The following ELFN1 variants were observed in gnomAD, a reference collection of about 807,000 sequenced individuals.
The protein encoded by ELFN1 is protein ELFN1.
In ELFN1, 6 loss-of-function variants were observed where a neutral mutation model predicts 7.6. The observed-to-expected ratio is 0.79, with a 90% CI of 0.43 to 1.56. The LOEUF (loss-of-function observed/expected upper bound fraction) is 1.56, where lower values mean the gene tolerates loss of function less well. Ranked by LOEUF, ELFN1 falls within the 40% of genes most tolerant of loss-of-function variation. ELFN1 has a pLI of 0.01. For synonymous variants in ELFN1, 657 were observed against 588.1 expected, an observed-to-expected ratio of 1.12 and a Z score of -1.70; for missense variants, 1,169 against 1,232.2, an observed-to-expected ratio of 0.95 and a Z score of 0.77.
At chr7:1,675,744 G>A (rs1335094964) in intron 1 of ELFN1, among the ~76,000 whole-genome samples, 3 of 152,200 alleles carry the variant, frequency 2.0e-5, no homozygotes, top group African/African-American at 4.8e-5. Flanking sequence ...TCGCTGGCCC[G>A]GAGGGACGAG....
intron 2 of ELFN1, among the ~76,000 whole-genome samples, chr7:1,707,995 C>G (rs1680934324): frequency 6.6e-6 from 1 of 152,172 alleles, no homozygotes; most frequent in South Asian, 2.1e-4. Context: ...GCGGATGCGG[C>G]AGAGCCCAGC....
chr7:1,724,340 G>A (rs1190444850), intron 3 of ELFN1, among the ~76,000 whole-genome samples: 1 of 152,096 alleles, frequency 6.6e-6, no homozygotes, highest in East Asian at 1.9e-4. Context: ...AAGTCAGCCC[G>A]CGTTGCCTTC....
intron 1 of ELFN1, among the ~76,000 whole-genome samples, chr7:1,672,242 G>A (rs568350402): frequency 6.6e-6 from 1 of 152,278 alleles, no homozygotes; most frequent in South Asian, 2.1e-4. Flanking sequence ...CCAGAGGAGG[G>A]GAGGGAGGGC....
chr7:1,745,127 C>T lies in ELFN1; in HGVS notation c.531C>T (p.Ala177=), dbSNP rs377313701. 9.0e-5 allele frequency: 140 copies of T among 1,550,848 alleles called. 1 individual carries two copies. The South Asian group carries it at 1.3e-3, about 14-fold the overall frequency. ...AGCAGCTCAACAGCGGCACCTTCGC[C>T]GGCCTGGCCAAGCTGTCGGTGTGCG... ...RIQQLNSGTF[A]GLAKLSVCEL... The change falls in exon 4 of 4, where the codon GCC becomes GCT. Residue 177 remains alanine (A), a synonymous_variant. Coordinates refer to ENST00000424383, the MANE Select transcript of ELFN1 (RefSeq NM_001128636.4).
Position 1,681,334 on chromosome 7 carries a change from GGA to G in ELFN1, c.-548-6720_-548-6719del, listed in dbSNP as rs1778972123. Reference sequence around the variant, plus strand: ...GCACAAACTGGGCAGCTTCCTGGAAGGAGAGTTCATCTGGTCAGTTCATATTG... The same window carrying G: ...GCACAAACTGGGCAGCTTCCTGGAAGGAGTTCATCTGGTCAGTTCATATTG... On this transcript the variant is annotated intron_variant, in intron 1 of 3. Transcript: ENST00000424383. Among the ~76,000 whole-genome samples, 3 of 135,462 alleles carry G rather than the reference GGA, an allele frequency of 2.2e-5. No individual in the cohort carries two copies. In the South Asian group the frequency reaches 6.5e-4, roughly 29 times the overall value. The allele number at this position is 135,462 out of a possible 152,430, so 88.9% of individuals were successfully genotyped here. A position where few individuals can be genotyped will look rare whatever the true frequency, so the allele number is the denominator to read the frequency against.
At chr7:1,723,509 T>G (rs1780088220) in intron 3 of ELFN1, among the ~76,000 whole-genome samples, 1 of 152,248 alleles carries the variant, frequency 6.6e-6, no homozygotes, top group Admixed American at 6.5e-5. Context: ...TCTTTTTCAC[T>G]GCTGCATAGT....
intron 3 of ELFN1, among the ~76,000 whole-genome samples, chr7:1,716,679 C>T (rs547839106): frequency 6.6e-6 from 1 of 152,234 alleles, no homozygotes; most frequent in African/African-American, 2.4e-5. Flanking sequence ...GTCCCCTCCC[C>T]CTGCAAACTC....
rs919202836 is a variant in ELFN1 at position 1,673,053 on chromosome 7, C to T, written c.-549+2699C>T. Reference sequence around the variant, plus strand: ...CCTGGAGCGGATGGTGGCACCGCCGCGGACATTGGATACATTTGTCATCTC... The same window carrying T: ...CCTGGAGCGGATGGTGGCACCGCCGTGGACATTGGATACATTTGTCATCTC... On this transcript the variant is annotated intron_variant, in intron 1 of 3. Coordinates refer to ENST00000424383, the MANE Select transcript of ELFN1 (RefSeq NM_001128636.4). The surrounding 1 kb of genome is among the most constrained non-coding windows in gnomAD (Gnocchi z 4.7). 3.3e-5 allele frequency among the ~76,000 whole-genome samples: 5 copies of T among 151,616 alleles called. No homozygotes were observed. The highest frequency in any genetic ancestry group is 5.9e-5 in the Non-Finnish European group (4 of 67,984).
intron 3 of ELFN1, among the ~76,000 whole-genome samples, chr7:1,729,168 C>A (rs1583383815): frequency 6.6e-6 from 1 of 152,342 alleles, no homozygotes; most frequent in East Asian, 1.9e-4. Context: ...CCAGTGGATT[C>A]TTAGAGCCAG....
chr7:1,701,183 T>C (rs2128584299), intron 2 of ELFN1, among the ~76,000 whole-genome samples: 1 of 152,036 alleles, frequency 6.6e-6, no homozygotes, highest in Non-Finnish European at 1.5e-5. Flanking sequence ...TGTGTATGTG[T>C]GCGTGTGTGT....
intron 1 of ELFN1, among the ~76,000 whole-genome samples, chr7:1,677,801 CGAGCGGATG>C (rs1778900271): frequency 6.6e-6 from 1 of 151,814 alleles, no homozygotes; most frequent in African/African-American, 2.4e-5. Context: ...CAAATTCAGT[CGAGCGGATG>C]GAGGCTCTGA....
At chr7:1,700,557 GTGCTGTCC>G (rs998318662) in intron 2 of ELFN1, among the ~76,000 whole-genome samples, 35 of 152,292 alleles carry the variant, frequency 2.3e-4, no homozygotes, top group African/African-American at 7.2e-4. Context: ...ACTGAAGCGT[GTGCTGTCC>G]TAAGAGGGGA....
intron 1 of ELFN1, among the ~76,000 whole-genome samples, chr7:1,683,226 T>C (rs1453155614): frequency 6.6e-6 from 1 of 152,118 alleles, no homozygotes; most frequent in Admixed American, 6.5e-5. Context: ...TCTTTAAATA[T>C]TTGACAAAAC....
chr7:1,698,355 T>C (rs1382160969), intron 2 of ELFN1, among the ~76,000 whole-genome samples: 1 of 152,260 alleles, frequency 6.6e-6, no homozygotes, highest in Non-Finnish European at 1.5e-5. Context: ...GCACCCTCGG[T>C]GCTCCCTCTG....
intron 2 of ELFN1, among the ~76,000 whole-genome samples, chr7:1,690,344 G>GATGA: frequency 2.0e-5 from 3 of 150,906 alleles, no homozygotes; most frequent in East Asian, 3.9e-4. Flanking sequence ...ATATATGGAT[G>GATGA]ATGGATGGAT....
At position 1,746,042 on chromosome 7, in the gene ELFN1, G is replaced by A. The variant is rs1391710608; in HGVS notation, c.1446G>A (p.Pro482=). The change falls in exon 4 of 4, where the codon CCG becomes CCA. Residue 482 remains proline, a synonymous_variant. Transcript: ENST00000424383. ...AGCTGGAGGCGCCCGGCCTGGCCCCGCTGTCCCAGGGCCCGCTGCTGGGCC... is the reference window on the plus strand; with the variant it reads ...AGCTGGAGGCGCCCGGCCTGGCCCCACTGTCCCAGGGCCCGCTGCTGGGCC... The part of the protein sequence containing the change: ...GPELEAPGLA[P]LSQGPLLGPE... The A allele has an allele frequency of 1.6e-5, 24 of 1,545,902 alleles. No homozygotes were observed. The highest frequency in any genetic ancestry group is 1.5e-4 in the African/African-American group (11 of 72,902).
intron 2 of ELFN1, among the ~76,000 whole-genome samples, chr7:1,701,742 G>A (rs933010542): frequency 1.3e-5 from 2 of 152,140 alleles, no homozygotes; most frequent in East Asian, 3.9e-4. Context: ...GTTTGAGGCT[G>A]CAGTGAGCTG....
Position 1,670,401 on chromosome 7 carries a change from C to G in ELFN1, c.-549+47C>G, listed in dbSNP as rs1334903528. Among the ~76,000 whole-genome samples, 1 of 151,676 alleles carries G rather than the reference C, an allele frequency of 6.6e-6. No individual in the cohort carries two copies. Among genetic ancestry groups the G allele is most frequent in the Admixed American group, 6.6e-5 (1 of 15,248 alleles). ...GCGCTGAACCTGGGGGACTTGGGAC[C>G]CGGACCACCCCCGGGGAGCGGCGCG... On this transcript the variant is annotated intron_variant, in intron 1 of 3. Transcript: ENST00000424383. This position sits in a 1 kb window ranked among gnomAD's most constrained non-coding sequence, Gnocchi z 6.4.
intron 1 of ELFN1, among the ~76,000 whole-genome samples, chr7:1,675,202 C>T (rs1223659951): frequency 2.0e-5 from 3 of 152,212 alleles, no homozygotes; most frequent in Non-Finnish European, 4.4e-5. Context: ...CCCACAGAAG[C>T]GCATCTCTCT....
Sources: allele counts gnomAD v4.1 joint callset (sites outside exome capture counted in the v4.1 genomes callset), GRCh38; gene constraint gnomAD v4.1.1; non-coding constraint Gnocchi (gnomAD v3.1); transcripts MANE v1.5; gene names NCBI Gene and HGNC (gene_info 2026-07-23, HGNC 2026-07-21).